SMARCC1: variants seen among roughly 807,000 people sequenced by gnomAD.
SMARCC1 encodes the protein SWI/SNF related BAF chromatin remodeling complex subunit C1, also known as SWI/SNF complex subunit SMARCC1.
SMARCC1 carries 43 observed loss-of-function variants against 147.4 expected under a neutral mutation model. The observed-to-expected ratio is 0.29, with a 90% CI of 0.23 to 0.38. The LOEUF (loss-of-function observed/expected upper bound fraction) is 0.38. Ranked by LOEUF, SMARCC1 falls within the 10% of genes least tolerant of loss-of-function variation. The pLI is 1.00. For synonymous variants in SMARCC1, 495 were observed against 484.4 expected (o/e 1.02, Z -0.29); for missense variants, 1,119 against 1,381.1 (o/e 0.81, Z 3.01).
intron 10 of SMARCC1, 179 bp from the exon 11 acceptor site, chr3:47,701,581 G>A (rs2033918706): frequency 1.1e-5 from 6 of 570,788 alleles, no homozygotes; most frequent in South Asian, 4.2e-5. Flanking sequence ...TTGGGAGGCC[G>A]AGGCAGGTGG....
intron 15 of SMARCC1, among the ~76,000 whole-genome samples, chr3:47,678,631 T>G (rs1576408702): frequency 6.6e-6 from 1 of 152,246 alleles, no homozygotes; most frequent in East Asian, 1.9e-4. Flanking sequence ...GCTATCTGCC[T>G]CACTACCACA....
chr3:47,779,626 T>C (rs2035017460), intron 1 of SMARCC1, among the ~76,000 whole-genome samples: 1 of 152,192 alleles, frequency 6.6e-6, no homozygotes, highest in Admixed American at 6.6e-5. Flanking sequence ...GGGCAATTCC[T>C]CAAACTGCTT....
At chr3:47,711,705 A>T (rs2106799198) in intron 8 of SMARCC1, among the ~76,000 whole-genome samples, 2 of 152,332 alleles carry the variant, frequency 1.3e-5, no homozygotes, top group Middle Eastern at 3.4e-3. Flanking sequence ...AAGAGCTACT[A>T]AACTGGTTAT....
intron 24 of SMARCC1, among the ~76,000 whole-genome samples, chr3:47,626,099 A>G (rs2032804930): frequency 6.6e-6 from 1 of 152,020 alleles, no homozygotes; most frequent in South Asian, 2.1e-4. Flanking sequence ...GGCTGCAGTG[A>G]GCTGTGATCT....
intron 25 of SMARCC1, among the ~76,000 whole-genome samples, chr3:47,612,276 A>T (rs1004284330): frequency 6.6e-6 from 1 of 152,240 alleles, no homozygotes; most frequent in African/African-American, 2.4e-5. Flanking sequence ...GCTTTCTTCT[A>T]ATCATTCTTT....
chr3:47,621,618 T>G (rs2032733101), intron 25 of SMARCC1, among the ~76,000 whole-genome samples: 1 of 152,016 alleles, frequency 6.6e-6, no homozygotes, highest in African/African-American at 2.4e-5. Context: ...TACACAGACA[T>G]AAACATGGAA....
chr3:47,765,478 AAG>A (rs914351712), intron 2 of SMARCC1, among the ~76,000 whole-genome samples: 2 of 152,144 alleles, frequency 1.3e-5, no homozygotes, highest in Non-Finnish European at 2.9e-5. Context: ...AAAAAAAAGA[AAG>A]AAACTAAACC....
At chr3:47,643,024 T>C (rs2033069645) in intron 21 of SMARCC1, among the ~76,000 whole-genome samples, 1 of 152,174 alleles carries the variant, frequency 6.6e-6, no homozygotes, top group African/African-American at 2.4e-5. Context: ...TCAGTTTAGG[T>C]GGCAGAGCGA....
intron 26 of SMARCC1, among the ~76,000 whole-genome samples, chr3:47,604,990 C>T (rs1254653939): frequency 6.6e-6 from 1 of 152,104 alleles, no homozygotes; most frequent in Non-Finnish European, 1.5e-5. Context: ...CGTAAGCCAC[C>T]GCGCCCAGCC....
chr3:47,585,583 C>T lies in SMARCC1; in HGVS notation c.*2626G>A, dbSNP rs79394230. The T allele has an allele frequency of 7.9e-3, 1,199 of 152,394 alleles. 6 individuals carry two copies. Among genetic ancestry groups the T allele is most frequent in the South Asian group, 0.014 (69 of 4,832 alleles). The allele number at this position is 152,394 out of a possible 1,614,324, so 9.4% of individuals were successfully genotyped here. ...TGCCTCCAACTTGGGACTGTCTAAA[C>T]TGCATCCTGACAAACATTATCCCAT... On this transcript the variant is annotated 3_prime_UTR_variant, in exon 28 of 28. Coordinates refer to ENST00000254480, the MANE Select transcript of SMARCC1 (RefSeq NM_003074.4).
At chr3:47,624,809 C>T (rs1443635377) in intron 24 of SMARCC1, among the ~76,000 whole-genome samples, 4 of 151,204 alleles carry the variant, frequency 2.6e-5, no homozygotes, top group African/African-American at 7.3e-5. Flanking sequence ...AATCCCAGCA[C>T]TTTGGGAAGG....
chr3:47,649,459 A>C (rs1189332717), intron 21 of SMARCC1, among the ~76,000 whole-genome samples: 1 of 152,216 alleles, frequency 6.6e-6, no homozygotes, highest in African/African-American at 2.4e-5. Context: ...ACCTTCTTAA[A>C]AACTAGGAAC....
intron 12 of SMARCC1, among the ~76,000 whole-genome samples, chr3:47,691,696 T>C (rs1385431007): frequency 6.6e-6 from 1 of 151,700 alleles, no homozygotes; most frequent in Non-Finnish European, 1.5e-5. Context: ...CACTCGTATC[T>C]GCCATCAATA....
chr3:47,771,273 G>C (rs1178225532), intron 2 of SMARCC1, among the ~76,000 whole-genome samples: 2 of 152,108 alleles, frequency 1.3e-5, no homozygotes, highest in Admixed American at 1.3e-4. Context: ...TAGTGATCAA[G>C]AACAGTCCCC....
At chr3:47,680,240 AC>A in intron 15 of SMARCC1, 196 bp downstream of exon 15, 3 of 485,970 alleles carry the variant, frequency 6.2e-6, no homozygotes, top group East Asian at 4.2e-5. Flanking sequence ...ACCAAAAAAA[AC>A]CCCCCAAAAC....
chr3:47,638,774 G>A lies in SMARCC1; in HGVS notation c.2327C>T (p.Ala776Val). 1.2e-6 allele frequency: 2 copies of A among 1,611,116 alleles called. No homozygotes were observed. The highest frequency in any genetic ancestry group is 8.5e-7 in the Non-Finnish European group (1 of 1,177,294). The change falls in exon 22 of 28, where the codon GCT becomes GTT. Residue 776 changes from alanine (A) to valine (V), a missense_variant. Physicochemically the swap from Ala to Val is moderately conservative, Grantham distance 64. This residue lies in a region of SMARCC1 where 157 missense variants were observed against 158.6 expected (regional missense o/e 0.99). Coordinates refer to ENST00000254480, the MANE Select transcript of SMARCC1 (RefSeq NM_003074.4). ...GPDEPEKLEG[A>V]EEEKMEADPD... ...GTCGGCTTCCATTTTTTCCTCTTCA[G>A]CTCCTTCTACAAGTAAAAGAATAAG...
At chr3:47,673,234 TA>T (rs202155424) in intron 18 of SMARCC1, among the ~76,000 whole-genome samples, 1 of 148,528 alleles carries the variant, frequency 6.7e-6, no homozygotes, top group Non-Finnish European at 1.5e-5. Context: ...AAAATAAAAA[TA>T]AAAAAAAAGC....
At chr3:47,652,334 T>C (rs2033200928) in intron 21 of SMARCC1, among the ~76,000 whole-genome samples, 1 of 152,188 alleles carries the variant, frequency 6.6e-6, no homozygotes, top group Non-Finnish European at 1.5e-5. Context: ...CTCTGCCTGA[T>C]GCATTTGCCT....
rs1172716079 is a variant in SMARCC1 at position 47,610,164 on chromosome 3, A to C, written c.2945T>G (p.Leu982Arg). ...CATGCCAGGGTGCCCTGCTGCTCCA[A>C]GTGGGGCCAGGCCAGGTCCTCCTGA... ...QHSGGPGLAP[L>R]GAAGHPGMMP... Residue 982 changes from leucine (L) to arginine (R), a missense_variant, in exon 26 of 28, where the codon CTT (leucine) becomes CGT (arginine). Leu to Arg is a moderately radical substitution (Grantham distance 102, BLOSUM62 -2). This residue lies in a region of SMARCC1 where 186 missense variants were observed against 216.5 expected (regional missense o/e 0.86). Transcript: ENST00000254480. 1 of 1,614,078 alleles carries C rather than the reference A, an allele frequency of 6.2e-7. No homozygotes were observed. The highest frequency in any genetic ancestry group is 1.1e-5 in the South Asian group (1 of 91,070).
Sources: gnomAD v4.1 joint callset for allele counts (sites outside exome capture counted in the v4.1 genomes callset) on GRCh38, gnomAD v4.1.1 for gene constraint, gnomAD v4.1.1 regional missense constraint, MANE v1.5 for transcripts, NCBI Gene and HGNC (gene_info 2026-07-23, HGNC 2026-07-21) for gene names.